ARHGAP24: variants seen among roughly 807,000 people sequenced by gnomAD.
ARHGAP24 encodes the protein Rho GTPase activating protein 24.
Under a neutral mutation model 76.4 loss-of-function variants are expected in ARHGAP24, and 50 were observed. The observed-to-expected ratio is 0.65, with a 90% CI of 0.52 to 0.83. ARHGAP24 has a LOEUF of 0.83. Ranked by LOEUF, ARHGAP24 falls within the 40% of genes least tolerant of loss-of-function variation. ARHGAP24 has a pLI of 0.00. For synonymous variants in ARHGAP24, 345 were observed against 323.3 expected (o/e 1.07, Z -0.72); for missense variants, 930 against 914.2 (o/e 1.02, Z -0.22).
At chr4:85,923,866 A>C in intron 4 of ARHGAP24, 96 bp downstream of exon 4, 1 of 1,552,176 alleles carries the variant, frequency 6.4e-7, no homozygotes, top group African/African-American at 1.4e-5. Flanking sequence ...CCTGTATTCA[A>C]GTGGGTGAAT....
Position 85,994,837 on chromosome 4 carries a change from C to G in ARHGAP24, c.1183C>G (p.Leu395Val). 5 of 1,614,134 alleles carry G rather than the reference C, an allele frequency of 3.1e-6. No individual in the cohort carries two copies. The highest frequency in any genetic ancestry group is 4.5e-5 in the East Asian group (2 of 44,866). Residue 395 changes from leucine to valine, a missense_variant, in exon 9 of 10, where the codon CTA becomes GTA. By Grantham distance (32) the Leu-to-Val change is conservative. Coordinates refer to ENST00000395184, the MANE Select transcript of ARHGAP24 (RefSeq NM_001025616.3). The stretch of plus-strand genomic sequence containing the variant: ...CATGAACAATGGATCCCCCACAGCT[C>G]TATCAGGCAGCAAAACCAACAGCCC... Reference protein sequence around the residue: ...SSMNNGSPTALSGSKTNSPKN... With the variant: ...SSMNNGSPTAVSGSKTNSPKN...
At chr4:85,570,397 T>G (rs1727085895) in intron 1 of ARHGAP24, 125 bp from the exon 2 acceptor site, 1 of 156,720 alleles carries the variant, frequency 6.4e-6, no homozygotes, top group African/African-American at 1.6e-4. Context: ...TTTCTTTCTT[T>G]CTTTCTTTCT....
intron 2 of ARHGAP24, among the ~76,000 whole-genome samples, chr4:85,650,833 G>A (rs898294629): frequency 2.7e-5 from 4 of 149,360 alleles, no homozygotes; most frequent in African/African-American, 7.7e-5. Flanking sequence ...TCCTAAAGGA[G>A]GTCATTTCTG....
chr4:85,677,888 G>A (rs2220007), intron 2 of ARHGAP24, among the ~76,000 whole-genome samples: 139,381 of 152,192 alleles, frequency 0.92, 63,890 homozygotes, highest in East Asian at 0.98. Flanking sequence ...TCTCTATAGA[G>A]AATTAGCCAG....
intron 3 of ARHGAP24, among the ~76,000 whole-genome samples, chr4:85,839,850 T>TTC (rs1232924878): frequency 1.6e-5 from 2 of 128,144 alleles, no homozygotes; most frequent in Non-Finnish European, 3.3e-5. Flanking sequence ...TTTCTTTTTT[T>TTC]TTTTTTTTTT....
intron 2 of ARHGAP24, among the ~76,000 whole-genome samples, chr4:85,573,402 G>A (rs914600289): frequency 6.6e-6 from 1 of 152,148 alleles, no homozygotes; most frequent in Non-Finnish European, 1.5e-5. Flanking sequence ...AATAGACCAA[G>A]TGAGAGTAGA....
intron 1 of ARHGAP24, among the ~76,000 whole-genome samples, chr4:85,489,642 G>A (rs751166642): frequency 6.6e-6 from 1 of 152,172 alleles, no homozygotes; most frequent in Non-Finnish European, 1.5e-5. Flanking sequence ...TTTGCAGGAA[G>A]CTTTGAAAAA....
At chr4:85,720,014 C>T (rs910411465) in intron 2 of ARHGAP24, among the ~76,000 whole-genome samples, 2 of 143,788 alleles carry the variant, frequency 1.4e-5, no homozygotes, top group African/African-American at 5.1e-5. Context: ...AGAGCAGAAA[C>T]AAAAAAACCA....
chr4:85,747,527 C>T (rs191734136), intron 3 of ARHGAP24, among the ~76,000 whole-genome samples: 2,088 of 152,238 alleles, frequency 0.014, 40 homozygotes, highest in African/African-American at 0.047. Context: ...CGCGGTGAAA[C>T]CCCGTCTCTA....
chr4:85,594,561 G>A (rs1199145169), intron 2 of ARHGAP24, among the ~76,000 whole-genome samples: 4 of 151,940 alleles, frequency 2.6e-5, no homozygotes, highest in African/African-American at 9.7e-5. Context: ...ATACCTATCT[G>A]CCATCACAAT....
intron 2 of ARHGAP24, among the ~76,000 whole-genome samples, chr4:85,606,383 G>A (rs1720194653): frequency 1.3e-5 from 2 of 151,956 alleles, no homozygotes; most frequent in Admixed American, 1.3e-4. Flanking sequence ...CGTGGTTGCG[G>A]GTGCCTGTAG....
intron 1 of ARHGAP24, among the ~76,000 whole-genome samples, chr4:85,509,359 A>C (rs1724189991): frequency 6.6e-6 from 1 of 152,012 alleles, no homozygotes; most frequent in Non-Finnish European, 1.5e-5. Flanking sequence ...AAAAAATTCT[A>C]ATTTCTAGTA....
chr4:85,599,297 G>A (rs1251589837), intron 2 of ARHGAP24, among the ~76,000 whole-genome samples: 1 of 152,176 alleles, frequency 6.6e-6, no homozygotes, highest in Non-Finnish European at 1.5e-5. Context: ...CAGAGGTATT[G>A]AGCAGCCTGT....
chr4:85,783,408 T>C (rs1209845056), intron 3 of ARHGAP24, among the ~76,000 whole-genome samples: 2 of 152,196 alleles, frequency 1.3e-5, no homozygotes, highest in Non-Finnish European at 2.9e-5. Flanking sequence ...CTTTTACATA[T>C]GACTTTGCTC....
At chr4:85,671,494 G>A (rs1024782395) in intron 2 of ARHGAP24, among the ~76,000 whole-genome samples, 14 of 152,160 alleles carry the variant, frequency 9.2e-5, no homozygotes, top group South Asian at 6.2e-4. Context: ...TGCAAGTAAA[G>A]TAAAAGATGT....
intron 1 of ARHGAP24, among the ~76,000 whole-genome samples, chr4:85,564,820 C>T (rs1726760050): frequency 6.8e-6 from 1 of 147,898 alleles, no homozygotes. Context: ...CGCTTGCCTA[C>T]AGCTCACCTC....
intron 9 of ARHGAP24, among the ~76,000 whole-genome samples, chr4:85,996,758 A>C (rs28627127): frequency 0.023 from 3,474 of 152,242 alleles, 135 homozygotes; most frequent in African/African-American, 0.079. Context: ...CATTATCTTA[A>C]AAGGTTACTC....
At chr4:85,489,813 G>A (rs1252593258) in intron 1 of ARHGAP24, among the ~76,000 whole-genome samples, 5 of 152,186 alleles carry the variant, frequency 3.3e-5, no homozygotes, top group African/African-American at 9.7e-5. Context: ...GACAGCAGTG[G>A]CTTGTGAGGG....
At chr4:85,797,167 T>TTTTTTG (rs1333488430) in intron 3 of ARHGAP24, among the ~76,000 whole-genome samples, 11 of 91,790 alleles carry the variant, frequency 1.2e-4, no homozygotes, top group East Asian at 1.2e-3. Flanking sequence ...TTTTGTTTTT[T>TTTTTTG]TTTTTGTTTT....
Sources: gnomAD v4.1 joint callset for allele counts (sites outside exome capture counted in the v4.1 genomes callset) on GRCh38, gnomAD v4.1.1 for gene constraint, MANE v1.5 for transcripts, NCBI Gene and HGNC (gene_info 2026-07-23, HGNC 2026-07-21) for gene names.